CTNNA3: variants seen among roughly 807,000 people sequenced by gnomAD.
The protein encoded by CTNNA3 is catenin alpha 3.
In CTNNA3, 76 loss-of-function variants were observed where a neutral mutation model predicts 95.7. The ratio of observed to expected loss-of-function variants is 0.79; its 90% CI spans 0.66 to 0.96. The LOEUF (loss-of-function observed/expected upper bound fraction) is 0.96, where lower values mean the gene tolerates loss of function less well. CTNNA3 is among the 40% of genes least tolerant of loss of function. The pLI is 0.00. For missense variants in CTNNA3, 1,191 were observed against 1,089.8 expected (o/e 1.09, Z -1.31); for synonymous variants, 431 against 374.4 (o/e 1.15, Z -1.74).
intron 11 of CTNNA3, among the ~76,000 whole-genome samples, chr10:66,392,617 A>G (rs1263821441): frequency 1.3e-5 from 2 of 152,128 alleles, no homozygotes; most frequent in East Asian, 3.9e-4. Flanking sequence ...CATACAGATG[A>G]CAAATAAGGA....
chr10:66,429,862 C>T (rs573564521), intron 11 of CTNNA3, among the ~76,000 whole-genome samples: 8 of 151,902 alleles, frequency 5.3e-5, no homozygotes, highest in African/African-American at 1.2e-4. Flanking sequence ...ATGCCCTCTC[C>T]CACCACTCCT....
At chr10:66,642,279 A>AC (rs1554828894) in intron 9 of CTNNA3, among the ~76,000 whole-genome samples, 6,422 of 61,296 alleles carry the variant, frequency 0.1, 234 homozygotes, top group African/African-American at 0.15. Flanking sequence ...CACACACACA[A>AC]ACACACACAC....
At chr10:67,690,977 A>C (rs999902284) in intron 1 of CTNNA3, among the ~76,000 whole-genome samples, 1 of 152,108 alleles carries the variant, frequency 6.6e-6, no homozygotes, top group African/African-American at 2.4e-5. Flanking sequence ...ATCTCGGCTC[A>C]CTGCAACCTC....
At chr10:65,983,743 T>C (rs1389553962) in intron 16 of CTNNA3, among the ~76,000 whole-genome samples, 1 of 151,398 alleles carries the variant, frequency 6.6e-6, no homozygotes, top group Non-Finnish European at 1.5e-5. Flanking sequence ...CTAAAAAATG[T>C]TGAATGACTG....
intron 7 of CTNNA3, among the ~76,000 whole-genome samples, chr10:66,993,872 G>A (rs959215930): frequency 1.4e-4 from 21 of 151,882 alleles, no homozygotes; most frequent in Non-Finnish European, 2.8e-4. Flanking sequence ...CTTCTTATCC[G>A]ATTTATTCTT....
At chr10:66,069,252 T>C (rs1383040402) in intron 15 of CTNNA3, 56 bp downstream of exon 15, 1 of 1,534,846 alleles carries the variant, frequency 6.5e-7, no homozygotes, top group Non-Finnish European at 9.0e-7. Context: ...GTTTCACTAA[T>C]ATGACTAATA....
chr10:66,876,816 C>T (rs1844641760), intron 7 of CTNNA3, among the ~76,000 whole-genome samples: 2 of 151,868 alleles, frequency 1.3e-5, no homozygotes, highest in Admixed American at 6.6e-5. Context: ...AAGAGAAGTC[C>T]CCAGGCACAG....
At chr10:66,787,851 T>G (rs1321431394) in intron 7 of CTNNA3, among the ~76,000 whole-genome samples, 2 of 152,212 alleles carry the variant, frequency 1.3e-5, no homozygotes, top group Non-Finnish European at 2.9e-5. Context: ...ATTTCTAAAG[T>G]AATTCAGTAA....
intron 3 of CTNNA3, among the ~76,000 whole-genome samples, chr10:67,586,299 T>C (rs148332102): frequency 1.7e-3 from 259 of 152,264 alleles, no homozygotes; most frequent in African/African-American, 6.0e-3. Flanking sequence ...TATTCTCCAG[T>C]TGTTGGGTAG....
intron 15 of CTNNA3, among the ~76,000 whole-genome samples, chr10:66,059,762 A>T (rs2080158347): frequency 6.6e-6 from 1 of 152,158 alleles, no homozygotes; most frequent in African/African-American, 2.4e-5. Flanking sequence ...GTATAAATTT[A>T]GTAAAATTAG....
intron 10 of CTNNA3, among the ~76,000 whole-genome samples, chr10:66,586,374 A>G (rs1843361780): frequency 6.6e-6 from 1 of 152,052 alleles, no homozygotes; most frequent in Non-Finnish European, 1.5e-5. Flanking sequence ...AAATACACTG[A>G]GGTCTTTTCA....
intron 14 of CTNNA3, among the ~76,000 whole-genome samples, chr10:66,072,684 C>T (rs941640565): frequency 6.6e-6 from 1 of 151,944 alleles, no homozygotes; most frequent in Non-Finnish European, 1.5e-5. Context: ...ACCTCGTGAT[C>T]CACTCTCTTG....
chr10:66,013,722 G>A (rs1304781819), intron 15 of CTNNA3, among the ~76,000 whole-genome samples: 1 of 152,130 alleles, frequency 6.6e-6, no homozygotes, highest in Admixed American at 6.5e-5. Flanking sequence ...GCACCACATT[G>A]TCAAAAAATA....
In CTNNA3 at chr10:66,175,957, A is replaced by G. The variant is rs1018344540; in HGVS notation, c.1885-72708T>C. Among the ~76,000 whole-genome samples, 10 of 152,286 alleles carry G rather than the reference A, an allele frequency of 6.6e-5. No individual in the cohort carries two copies. In the East Asian group the frequency reaches 1.7e-3, roughly 26 times the overall value. ...AGGGATAAGCTCAAGAATTCTTTGG[A>G]GTTCCATTCAGCTTTTATAATTAGG... On this transcript the variant is annotated intron_variant, in intron 13 of 17. Coordinates refer to ENST00000433211, the MANE Select transcript of CTNNA3 (RefSeq NM_013266.4).
intron 10 of CTNNA3, among the ~76,000 whole-genome samples, chr10:66,574,667 A>G (rs1842956774): frequency 6.6e-6 from 1 of 152,142 alleles, no homozygotes; most frequent in African/African-American, 2.4e-5. Context: ...AACAAGCTGT[A>G]ATCTGAGTAT....
At chr10:66,236,394 T>C (rs2089856620) in intron 13 of CTNNA3, among the ~76,000 whole-genome samples, 2 of 152,218 alleles carry the variant, frequency 1.3e-5, no homozygotes, top group Admixed American at 1.3e-4. Context: ...AATAGACAGA[T>C]TGAATATATT....
At chr10:66,072,600 G>A (rs988678343) in intron 14 of CTNNA3, among the ~76,000 whole-genome samples, 4 of 151,720 alleles carry the variant, frequency 2.6e-5, no homozygotes, top group Admixed American at 2.6e-4. Flanking sequence ...GCCCACTACT[G>A]TGCCCAGCTA....
intron 5 of CTNNA3, among the ~76,000 whole-genome samples, chr10:67,257,157 A>C (rs189326370): frequency 2.6e-4 from 39 of 152,366 alleles, no homozygotes; most frequent in Admixed American, 2.3e-3. Context: ...TTCTTGAATC[A>C]TCATGTGATG....
In CTNNA3 at chr10:67,539,427, G is replaced by A. The variant is rs1050865337; in HGVS notation, c.459+76C>T. 665 of 1,512,426 alleles carry A rather than the reference G, an allele frequency of 4.4e-4. 2 individuals are homozygous for A. Among genetic ancestry groups the A allele is most frequent in the Non-Finnish European group, 4.8e-4 (525 of 1,097,742 alleles). The allele number at this position is 1,512,426 out of a possible 1,614,324, so 93.7% of individuals were successfully genotyped here. A position where few individuals can be genotyped will look rare whatever the true frequency, so the allele number is the denominator to read the frequency against. On this transcript the variant is annotated intron_variant, in intron 4 of 17. Transcript: ENST00000433211. ...ATGAGAGTGAAGCCAAGATGCACTAGGATCGACGCCAGGTTCAGAGAATGA... is the reference window on the plus strand; with the variant it reads ...ATGAGAGTGAAGCCAAGATGCACTAAGATCGACGCCAGGTTCAGAGAATGA...
Sources: gnomAD v4.1 joint callset for allele counts (sites outside exome capture counted in the v4.1 genomes callset) on GRCh38, gnomAD v4.1.1 for gene constraint, MANE v1.5 for transcripts, NCBI Gene and HGNC (gene_info 2026-07-23, HGNC 2026-07-21) for gene names.